Variants in FNIP1 observed in about 807,000 individuals in gnomAD.
FNIP1 encodes the protein folliculin-interacting protein 1.
FNIP1 carries 40 observed loss-of-function variants against 124.5 expected under a neutral mutation model. That is an observed-to-expected ratio of 0.32 (90% CI 0.25 to 0.42). The LOEUF is 0.42. Ranked by LOEUF, FNIP1 falls within the 10% of genes least tolerant of loss-of-function variation. The probability of loss-of-function intolerance (pLI) is 1.00; values close to 1 mark genes in which losing one functional copy is unlikely to be tolerated. For synonymous variants in FNIP1, 472 were observed against 470.6 expected, an observed-to-expected ratio of 1.00 and a Z score of -0.04; for missense variants, 1,176 against 1,403.7, an observed-to-expected ratio of 0.84 and a Z score of 2.59.
chr5:131,753,385 C>T lies in FNIP1; in HGVS notation c.93-8695G>A, dbSNP rs558091502. Among the ~76,000 whole-genome samples, 7 of 152,254 alleles carry T rather than the reference C, an allele frequency of 4.6e-5. No individual in the cohort carries two copies. In the South Asian group the frequency reaches 6.2e-4, roughly 14 times the overall value. ...CCACAGAGAATGGATAAACAAACTA[C>T]GATATATTCCTACATTGAAATACTA... On this transcript the variant is annotated intron_variant, in intron 1 of 17. Transcript: ENST00000510461.
chr5:131,765,283 G>A (rs1771382256), intron 1 of FNIP1, among the ~76,000 whole-genome samples: 1 of 151,840 alleles, frequency 6.6e-6, no homozygotes, highest in African/African-American at 2.4e-5. Flanking sequence ...GTTTGAGGGA[G>A]AAACACCTTT....
chr5:131,760,148 G>C (rs1387181699), intron 1 of FNIP1, among the ~76,000 whole-genome samples: 2 of 151,976 alleles, frequency 1.3e-5, no homozygotes, highest in African/African-American at 2.4e-5. Flanking sequence ...TCACTACCTG[G>C]GTGATGGAAT....
In FNIP1 at chr5:131,647,283, T is replaced by C. The variant is rs150055960; in HGVS notation, c.3307-78A>G. 53 of 999,020 alleles carry C rather than the reference T, an allele frequency of 5.3e-5. No individual in the cohort carries two copies. The Middle Eastern group carries it at 2.5e-3, about 48-fold the overall frequency. The allele number at this position is 999,020 out of a possible 1,614,324, so 61.9% of individuals were successfully genotyped here. ...AGTCATGGCAAACTCCAAAACATAA[T>C]GTTTTTGACAATTCTGTTTGTTTAT... On this transcript the variant is annotated intron_variant, in intron 16 of 17. Coordinates refer to ENST00000510461, the MANE Select transcript of FNIP1 (RefSeq NM_133372.3).
At chr5:131,660,464 C>T (rs1387076843) in intron 15 of FNIP1, among the ~76,000 whole-genome samples, 1 of 152,098 alleles carries the variant, frequency 6.6e-6, no homozygotes, top group Non-Finnish European at 1.5e-5. Flanking sequence ...CTCCTGTAGC[C>T]CCATCCAGAA....
intron 1 of FNIP1, among the ~76,000 whole-genome samples, chr5:131,782,592 GAGAA>G (rs937954653): frequency 7.1e-6 from 1 of 140,312 alleles, no homozygotes; most frequent in African/African-American, 2.6e-5. Flanking sequence ...GAAAGAAAAA[GAGAA>G]AGGAAGGAAG....
chr5:131,796,697 C>A (rs897170586), intron 1 of FNIP1, 133 bp downstream of exon 1: 5 of 798,626 alleles, frequency 6.3e-6, no homozygotes, highest in South Asian at 1.8e-5. Context: ...GCCGGCTCCA[C>A]CCCACCGAGG....
At chr5:131,760,647 A>G (rs979133318) in intron 1 of FNIP1, among the ~76,000 whole-genome samples, 6 of 152,218 alleles carry the variant, frequency 3.9e-5, no homozygotes, top group African/African-American at 1.2e-4. Flanking sequence ...GTCTTGAACT[A>G]TGTTAGTTGT....
intron 1 of FNIP1, among the ~76,000 whole-genome samples, chr5:131,754,678 A>C (rs1725267973): frequency 6.6e-6 from 1 of 152,256 alleles, no homozygotes; most frequent in African/African-American, 2.4e-5. Context: ...CTATGAAGGC[A>C]GGCTGGAGCA....
In FNIP1 at chr5:131,671,928, A is replaced by G; in HGVS notation, c.2516T>C (p.Phe839Ser). 1 of 1,614,210 alleles carries G rather than the reference A, an allele frequency of 6.2e-7. No homozygotes were observed. The highest frequency in any genetic ancestry group is 8.5e-7 in the Non-Finnish European group (1 of 1,180,026). Residue 839 changes from phenylalanine to serine, a missense_variant, in exon 14 of 18, where the codon TTT becomes TCT. Phe to Ser is a radical substitution (Grantham distance 155, BLOSUM62 -2). Transcript: ENST00000510461. ...PESMSLFDEY[F>S]NDDSIETRTI... Reference sequence around the variant, plus strand: ...CCTGGTTTCGATTGAATCATCATTAAAATATTCGTCGAATAAGCTCATGCT... The same window carrying G: ...CCTGGTTTCGATTGAATCATCATTAGAATATTCGTCGAATAAGCTCATGCT...
chr5:131,706,462 C>T lies in FNIP1; in HGVS notation c.863G>A (p.Arg288His), dbSNP rs1474645716. ...ACTTGTTGTTTGGCTGCGTCGCCAA[C>T]GTCGCTGGTAGCTGCTGGCACAACT... ...TRSCASSYQRRWRRSQTTSLE... is the reference protein window; with the variant it reads ...TRSCASSYQRHWRRSQTTSLE... Residue 288 changes from arginine (R) to histidine (H), a missense_variant, in exon 9 of 18, where the codon CGT (arginine) becomes CAT (histidine). This residue lies in a region of FNIP1 where 1,109 missense variants were observed against 1,288.5 expected (regional missense o/e 0.86). Transcript: ENST00000510461. 3 of 1,613,244 alleles carry T rather than the reference C, an allele frequency of 1.9e-6. No individual in the cohort carries two copies. The highest frequency in any genetic ancestry group is 1.1e-5 in the South Asian group (1 of 91,010).
At chr5:131,690,146 C>T (rs798704) in intron 11 of FNIP1, among the ~76,000 whole-genome samples, 2 of 151,776 alleles carry the variant, frequency 1.3e-5, no homozygotes, top group Non-Finnish European at 1.5e-5. Flanking sequence ...TGGTGTGAAC[C>T]CGGGAGGCGG....
At chr5:131,658,875 C>T (rs1294106316) in intron 15 of FNIP1, among the ~76,000 whole-genome samples, 2 of 120,588 alleles carry the variant, frequency 1.7e-5, no homozygotes, top group Non-Finnish European at 3.2e-5. Context: ...CTGTCACCTT[C>T]ACTGTCCCAG....
At position 131,704,280 on chromosome 5, in the gene FNIP1, G is replaced by A; in HGVS notation, c.915-14C>T. 6.6e-7 allele frequency: 1 copy of A among 1,522,980 alleles called. No individual in the cohort carries two copies. Among genetic ancestry groups the A allele is most frequent in the Non-Finnish European group, 8.9e-7 (1 of 1,127,730 alleles). The allele number at this position is 1,522,980 out of a possible 1,614,324, so 94.3% of individuals were successfully genotyped here. A position where few individuals can be genotyped will look rare whatever the true frequency, so the allele number is the denominator to read the frequency against. On this transcript the variant is annotated splice_polypyrimidine_tract_variant and intron_variant, in intron 9 of 17. Transcript: ENST00000510461. Reference sequence around the variant, plus strand: ...TCTTCTATAGACCTTAAAAATAAATGATTTTTTATTAATTTACAAAAGTAA... The same window carrying A: ...TCTTCTATAGACCTTAAAAATAAATAATTTTTTATTAATTTACAAAAGTAA...
chr5:131,739,319 A>C (rs1770427187), intron 2 of FNIP1, among the ~76,000 whole-genome samples: 1 of 152,228 alleles, frequency 6.6e-6, no homozygotes, highest in Non-Finnish European at 1.5e-5. Context: ...TGGATAAAAC[A>C]GTAAGACGCC....
intron 1 of FNIP1, among the ~76,000 whole-genome samples, chr5:131,779,955 T>G (rs1414120592): frequency 6.6e-6 from 1 of 151,734 alleles, no homozygotes; most frequent in African/African-American, 2.4e-5. Flanking sequence ...ATCCCAGTAC[T>G]TTGGGAGGCC....
At chr5:131,649,475 T>C (rs1440144049) in intron 16 of FNIP1, among the ~76,000 whole-genome samples, 1 of 152,254 alleles carries the variant, frequency 6.6e-6, no homozygotes, top group East Asian at 1.9e-4. Flanking sequence ...AAAACGTCTA[T>C]TCAAGTCCTT....
At chr5:131,773,869 TA>T (rs1334384637) in intron 1 of FNIP1, among the ~76,000 whole-genome samples, 1 of 152,192 alleles carries the variant, frequency 6.6e-6, no homozygotes, top group African/African-American at 2.4e-5. Flanking sequence ...GAAAAATGAT[TA>T]AGAATCATTA....
intron 11 of FNIP1, among the ~76,000 whole-genome samples, chr5:131,692,682 C>T (rs1017790774): frequency 6.6e-6 from 1 of 152,096 alleles, no homozygotes; most frequent in Non-Finnish European, 1.5e-5. Flanking sequence ...ATTAAGATAG[C>T]ATGGGGATTG....
chr5:131,733,311 A>C (rs1580794233), intron 2 of FNIP1, among the ~76,000 whole-genome samples: 1 of 152,052 alleles, frequency 6.6e-6, no homozygotes, highest in Non-Finnish European at 1.5e-5. Context: ...CTAAATGAAT[A>C]CCCTTTATTT....
Sources: allele counts gnomAD v4.1 joint callset (sites outside exome capture counted in the v4.1 genomes callset), GRCh38; gene constraint gnomAD v4.1.1; regional missense constraint gnomAD v4.1.1; transcripts MANE v1.5; gene names NCBI Gene and HGNC (gene_info 2026-07-23, HGNC 2026-07-21).